BAG4: variants seen among roughly 807,000 people sequenced by gnomAD.
The protein encoded by BAG4 is BAG cochaperone 4.
BAG4 carries 28 observed loss-of-function variants against 52.1 expected under a neutral mutation model. The ratio of observed to expected loss-of-function variants is 0.54; its 90% CI spans 0.40 to 0.74. The LOEUF (loss-of-function observed/expected upper bound fraction) is 0.74. Among genes scored for constraint, BAG4 ranks in the 30% least tolerant of loss-of-function variants. The probability of loss-of-function intolerance (pLI) is 0.00; values close to 1 mark genes in which losing one functional copy is unlikely to be tolerated. For missense variants in BAG4, 525 were observed against 572.0 expected (o/e 0.92, Z 0.84); for synonymous variants, 208 against 217.0 (o/e 0.96, Z 0.37).
intron 1 of BAG4, among the ~76,000 whole-genome samples, chr8:38,180,645 A>T (rs1180830474): frequency 6.6e-6 from 1 of 151,810 alleles, no homozygotes; most frequent in Non-Finnish European, 1.5e-5. Flanking sequence ...CATCTGTCAA[A>T]TTAAAAAAAC....
chr8:38,187,909 C>A (rs1055590378), intron 1 of BAG4, among the ~76,000 whole-genome samples: 1 of 147,550 alleles, frequency 6.8e-6, no homozygotes, highest in Non-Finnish European at 1.5e-5. Flanking sequence ...TGGTGGCGGG[C>A]GCCTGTAGTC....
chr8:38,203,681 T>A (rs1159256431), intron 2 of BAG4, among the ~76,000 whole-genome samples: 1 of 151,566 alleles, frequency 6.6e-6, no homozygotes, highest in Non-Finnish European at 1.5e-5. Context: ...GAAAGCCCTG[T>A]GATATAGGCT....
chr8:38,194,576 C>T (rs1411567472), intron 2 of BAG4, among the ~76,000 whole-genome samples: 3 of 151,250 alleles, frequency 2.0e-5, no homozygotes, highest in Non-Finnish European at 3.0e-5. Context: ...CCACCATGCC[C>T]GGCTAATTTT....
rs143675308 is a variant in BAG4, at chr8:38,205,478, G to A, written c.379-2034G>A. 5.9e-5 allele frequency among the ~76,000 whole-genome samples: 9 copies of A among 152,148 alleles called. No individual in the cohort carries two copies. The East Asian group carries it at 1.5e-3, about 26-fold the overall frequency. ...TTTGTGTGATTGTAAATAATGCTGC[G>A]ATGAAGAACTTCATGTCTATAACTT... On this transcript the variant is annotated intron_variant, in intron 2 of 4. Coordinates refer to ENST00000287322, the MANE Select transcript of BAG4 (RefSeq NM_004874.4).
chr8:38,185,312 A>T (rs1051254706), intron 1 of BAG4, among the ~76,000 whole-genome samples: 2 of 152,190 alleles, frequency 1.3e-5, no homozygotes, highest in Admixed American at 1.3e-4. Context: ...ATTTAACATT[A>T]TAGGAATTTT....
At chr8:38,207,313 G>C (rs1803786680) in intron 2 of BAG4, among the ~76,000 whole-genome samples, 199 bp from the exon 3 acceptor site, 1 of 151,824 alleles carries the variant, frequency 6.6e-6, no homozygotes, top group Admixed American at 6.6e-5. Flanking sequence ...TGTTGTCCAG[G>C]CTGGTCTCAA....
At chr8:38,202,495 A>C (rs1334225169) in intron 2 of BAG4, among the ~76,000 whole-genome samples, 1 of 151,150 alleles carries the variant, frequency 6.6e-6, no homozygotes, top group Non-Finnish European at 1.5e-5. Context: ...GAGTTTAAGC[A>C]GTCCACCTGC....
At position 38,192,772 on chromosome 8, in the gene BAG4, G is replaced by GT; in HGVS notation, c.356dup (p.Arg120LysfsTer77). On this transcript the variant is annotated frameshift_variant, in exon 2 of 5. Coordinates refer to ENST00000287322, the MANE Select transcript of BAG4 (RefSeq NM_004874.4). LOFTEE classifies it high-confidence loss of function. Reference sequence around the variant, plus strand: ...GGCTCCTTACCCAAGTACATATCCTGTAAGACCAGAATTGCAAGGCCAGGT... The same window carrying GT: ...GGCTCCTTACCCAAGTACATATCCTGTTAAGACCAGAATTGCAAGGCCAGGT... The GT allele has an allele frequency of 6.8e-6, 11 of 1,609,742 alleles. No individual in the cohort carries two copies. The highest frequency in any genetic ancestry group is 9.3e-6 in the Non-Finnish European group (11 of 1,178,064).
At chr8:38,204,468 G>A (rs1057428879) in intron 2 of BAG4, among the ~76,000 whole-genome samples, 12 of 151,886 alleles carry the variant, frequency 7.9e-5, no homozygotes, top group East Asian at 3.9e-4. Context: ...GCAGTGAGCC[G>A]TGATTGTGCC....
At chr8:38,208,763 T>G (rs1423225873) in intron 3 of BAG4, among the ~76,000 whole-genome samples, 1 of 152,194 alleles carries the variant, frequency 6.6e-6, no homozygotes, top group Non-Finnish European at 1.5e-5. Flanking sequence ...TTTCATCCAT[T>G]GAATTTTTAG....
At chr8:38,184,980 T>G (rs1482088154) in intron 1 of BAG4, among the ~76,000 whole-genome samples, 1 of 151,686 alleles carries the variant, frequency 6.6e-6, no homozygotes, top group African/African-American at 2.4e-5. Flanking sequence ...TCCCAGCTAC[T>G]CGGGAGGCTG....
rs760482248 is a variant in BAG4, at chr8:38,209,156, A to T, written c.777A>T (p.Ser259=). 5.0e-6 allele frequency: 8 copies of T among 1,614,038 alleles called. No individual in the cohort carries two copies. In the African/African-American group the frequency reaches 1.1e-4, roughly 22 times the overall value. ...TGGGTGGCCGTTATCCCTGGCCTTC[A>T]TCAGCGCCCTCAGCACCACCCGGCA... The part of the protein sequence containing the change: ...YGMGGRYPWP[S]SAPSAPPGNL... The change falls in exon 4 of 5, where the codon TCA becomes TCT. Residue 259 remains serine (S), a synonymous_variant. Transcript: ENST00000287322.
chr8:38,195,351 G>A (rs978861980), intron 2 of BAG4, among the ~76,000 whole-genome samples: 2 of 151,896 alleles, frequency 1.3e-5, no homozygotes, highest in Admixed American at 6.6e-5. Context: ...TTAGGGTTTC[G>A]CCATGTTACC....
chr8:38,207,896 T>C (rs1477764388), intron 3 of BAG4, 130 bp downstream of exon 3: 2 of 1,142,944 alleles, frequency 1.7e-6, no homozygotes, highest in African/African-American at 3.1e-5. Context: ...TTTATATTGA[T>C]GCCTTTCTTA....
chr8:38,187,383 A>G (rs192610982), intron 1 of BAG4, among the ~76,000 whole-genome samples: 66 of 152,308 alleles, frequency 4.3e-4, no homozygotes, highest in Admixed American at 5.2e-4. Context: ...GAATTTGAAG[A>G]TAGATCAATA....
intron 4 of BAG4, 60 bp downstream of exon 4, chr8:38,209,327 T>G: frequency 1.2e-4 from 195 of 1,600,390 alleles, no homozygotes; most frequent in Non-Finnish European, 1.5e-4. Context: ...ATAACATGGT[T>G]TATATAGTTT....
In BAG4 at chr8:38,192,735, T is replaced by C. The variant is rs1803496905; in HGVS notation, c.318T>C (p.Thr106=). 5 of 1,613,614 alleles carry C rather than the reference T, an allele frequency of 3.1e-6. No individual in the cohort carries two copies. The highest frequency in any genetic ancestry group is 2.7e-5 in the African/African-American group (2 of 74,932). ...ACAATTCTAACTATTGGAATTCTAC[T>C]GCGAGATCTAGGGCTCCTTACCCAA... ...PSYNSNYWNS[T]ARSRAPYPST... The change falls in exon 2 of 5, where the codon ACT becomes ACC. Residue 106 remains threonine (T), a synonymous_variant. Coordinates refer to ENST00000287322, the MANE Select transcript of BAG4 (RefSeq NM_004874.4).
chr8:38,177,206 C>A, intron 1 of BAG4, 67 bp downstream of exon 1: 1 of 1,581,770 alleles, frequency 6.3e-7, no homozygotes, highest in South Asian at 1.2e-5. Context: ...CGTAAAGGAT[C>A]GGGTTTCATA....
intron 2 of BAG4, among the ~76,000 whole-genome samples, chr8:38,206,434 T>C (rs956764672): frequency 1.3e-5 from 2 of 152,012 alleles, no homozygotes; most frequent in African/African-American, 4.8e-5. Flanking sequence ...AAAACTACAG[T>C]GAGCAATATA....
Sources: allele counts gnomAD v4.1 joint callset (sites outside exome capture counted in the v4.1 genomes callset), GRCh38; gene constraint gnomAD v4.1.1; transcripts MANE v1.5; gene names NCBI Gene and HGNC (gene_info 2026-07-23, HGNC 2026-07-21).